The following CTNNA3 variants were observed in gnomAD, a reference collection of about 807,000 sequenced individuals.
CTNNA3 encodes catenin alpha-3.
Under a neutral mutation model 95.7 loss-of-function variants are expected in CTNNA3, and 76 were observed. That is an observed-to-expected ratio of 0.79 (90% CI 0.66 to 0.96). The LOEUF (loss-of-function observed/expected upper bound fraction) is 0.96. CTNNA3 is among the 40% of genes least tolerant of loss of function. CTNNA3 has a pLI of 0.00. For missense variants in CTNNA3, 1,191 were observed against 1,089.8 expected, an observed-to-expected ratio of 1.09 and a Z score of -1.31; for synonymous variants, 431 against 374.4, an observed-to-expected ratio of 1.15 and a Z score of -1.74.
chr10:67,210,746 T>A (rs1210095629), intron 6 of CTNNA3, among the ~76,000 whole-genome samples: 1 of 151,790 alleles, frequency 6.6e-6, no homozygotes, highest in Non-Finnish European at 1.5e-5. Flanking sequence ...GGGGGCTCAA[T>A]AAAAAATAAT....
At chr10:66,551,982 C>A (rs768849211) in intron 10 of CTNNA3, among the ~76,000 whole-genome samples, 1 of 148,444 alleles carries the variant, frequency 6.7e-6, no homozygotes, top group Non-Finnish European at 1.5e-5. Flanking sequence ...TGGCTCACTG[C>A]AACCTCTGCC....
chr10:66,143,043 C>A (rs1417770326), intron 13 of CTNNA3, among the ~76,000 whole-genome samples: 3 of 151,878 alleles, frequency 2.0e-5, no homozygotes, highest in Non-Finnish European at 4.4e-5. Context: ...ATATACAATA[C>A]TTTATGTATT....
At chr10:67,761,048 G>A (rs960099217) in intron 1 of CTNNA3, among the ~76,000 whole-genome samples, 6 of 152,140 alleles carry the variant, frequency 3.9e-5, no homozygotes, top group East Asian at 1.9e-4. Flanking sequence ...AAAGGTTAGC[G>A]ACCACTGGTG....
chr10:66,924,375 A>G (rs1846950587), intron 7 of CTNNA3, among the ~76,000 whole-genome samples: 1 of 152,246 alleles, frequency 6.6e-6, no homozygotes, highest in South Asian at 2.1e-4. Flanking sequence ...TTCACCTAAC[A>G]AAAAACAACA....
At chr10:67,342,099 C>CTTTTTTTTT (rs764381058) in intron 5 of CTNNA3, among the ~76,000 whole-genome samples, 2 of 83,680 alleles carry the variant, frequency 2.4e-5, no homozygotes, top group African/African-American at 4.5e-5. Context: ...TATTTTTCTT[C>CTTTTTTTTT]TTTTTTTTTT....
chr10:66,981,954 C>T (rs564460105), intron 7 of CTNNA3, among the ~76,000 whole-genome samples: 1 of 152,296 alleles, frequency 6.6e-6, no homozygotes, highest in South Asian at 2.1e-4. Flanking sequence ...GCCTATTTGG[C>T]TCAGCTGTCT....
intron 3 of CTNNA3, among the ~76,000 whole-genome samples, chr10:67,546,895 A>G (rs1339171899): frequency 1.3e-5 from 2 of 152,200 alleles, no homozygotes; most frequent in African/African-American, 4.8e-5. Context: ...TGAATTGGCA[A>G]AAACTGATAT....
At position 66,520,755 on chromosome 10, in the gene CTNNA3, C is replaced by G. The variant is rs1436674216; in HGVS notation, c.1393G>C (p.Ala465Pro). The change falls in exon 11 of 18, where the codon GCT (alanine) becomes CCT (proline). Residue 465 changes from alanine (A) to proline (P), a missense_variant. Ala to Pro is a conservative substitution (Grantham distance 27). Transcript: ENST00000433211. ...TGACTTTTGGGTCTTGCAGCCAAAG[C>G]AAGTGCAGCATTAATAATCTATAAA... ...LCPQIINAALALAARPKSQAV... is the reference protein window; with the variant it reads ...LCPQIINAALPLAARPKSQAV... The G allele has an allele frequency of 3.1e-6, 5 of 1,612,386 alleles. No individual in the cohort carries two copies. In the African/African-American group the frequency reaches 6.7e-5, roughly 22 times the overall value.
intron 15 of CTNNA3, among the ~76,000 whole-genome samples, chr10:66,009,524 A>G (rs2133387815): frequency 6.6e-6 from 1 of 152,332 alleles, no homozygotes; most frequent in Non-Finnish European, 1.5e-5. Context: ...TAGATAACAA[A>G]TTTAAAGAAA....
intron 12 of CTNNA3, among the ~76,000 whole-genome samples, chr10:66,282,990 T>G (rs1269305044): frequency 2.0e-5 from 3 of 151,916 alleles, no homozygotes; most frequent in African/African-American, 7.2e-5. Flanking sequence ...GATTTTGGTT[T>G]TGTTAACAAC....
At chr10:67,433,556 A>G (rs1230833328) in intron 5 of CTNNA3, among the ~76,000 whole-genome samples, 1 of 152,086 alleles carries the variant, frequency 6.6e-6, no homozygotes, top group Non-Finnish European at 1.5e-5. Flanking sequence ...AAGTGCAATA[A>G]AGTAAAGCAC....
At chr10:67,296,618 T>C (rs751388987) in intron 5 of CTNNA3, among the ~76,000 whole-genome samples, 2 of 152,162 alleles carry the variant, frequency 1.3e-5, no homozygotes, top group East Asian at 3.9e-4. Flanking sequence ...GGTAGTTGGA[T>C]GACCAATGAT....
At chr10:65,981,935 C>T (rs1018971411) in intron 16 of CTNNA3, among the ~76,000 whole-genome samples, 12 of 151,588 alleles carry the variant, frequency 7.9e-5, no homozygotes, top group African/African-American at 2.4e-4. Context: ...ACACTGGTTT[C>T]GGCAAAGACT....
At chr10:67,581,806 G>A (rs530332383) in intron 3 of CTNNA3, among the ~76,000 whole-genome samples, 1 of 152,114 alleles carries the variant, frequency 6.6e-6, no homozygotes, top group Non-Finnish European at 1.5e-5. Flanking sequence ...ATGTGTCCAG[G>A]AATTTATCCA....
At chr10:66,420,831 A>AATT (rs1564945835) in intron 11 of CTNNA3, among the ~76,000 whole-genome samples, 632 of 55,690 alleles carry the variant, frequency 0.011, 6 homozygotes, top group African/African-American at 0.063. Flanking sequence ...ATAAATAAAT[A>AATT]AATAAATAAA....
At chr10:66,302,660 G>A (rs2091879370) in intron 12 of CTNNA3, among the ~76,000 whole-genome samples, 1 of 152,054 alleles carries the variant, frequency 6.6e-6, no homozygotes, top group Non-Finnish European at 1.5e-5. Context: ...AATGTAAGAT[G>A]TTAACTTTAA....
At chr10:66,654,966 G>A (rs753968480) in intron 9 of CTNNA3, among the ~76,000 whole-genome samples, 7 of 151,998 alleles carry the variant, frequency 4.6e-5, no homozygotes, top group Non-Finnish European at 8.8e-5. Flanking sequence ...GGGAAATAAT[G>A]GTCAAAGGAT....
intron 5 of CTNNA3, among the ~76,000 whole-genome samples, chr10:67,512,158 TC>T (rs1839657684): frequency 6.6e-6 from 1 of 151,872 alleles, no homozygotes; most frequent in Admixed American, 6.6e-5. Context: ...GTAATGCAAA[TC>T]AAAACAAAAT....
intron 5 of CTNNA3, among the ~76,000 whole-genome samples, chr10:67,443,207 T>C (rs1363080958): frequency 6.6e-6 from 1 of 151,266 alleles, no homozygotes; most frequent in Non-Finnish European, 1.5e-5. Context: ...GTTGGACATT[T>C]GGGTTGGTTC....
Sources: allele counts gnomAD v4.1 joint callset (sites outside exome capture counted in the v4.1 genomes callset), GRCh38; gene constraint gnomAD v4.1.1; transcripts MANE v1.5; gene names NCBI Gene and HGNC (gene_info 2026-07-23, HGNC 2026-07-21).